GABRG3: variants seen among roughly 807,000 people sequenced by gnomAD.
The protein encoded by GABRG3 is gamma-aminobutyric acid type A receptor subunit gamma3.
A neutral mutation model predicts 48.8 loss-of-function variants in GABRG3; 25 were observed. That is an observed-to-expected ratio of 0.51 (90% confidence interval 0.37 to 0.72). GABRG3 has a LOEUF of 0.72. GABRG3 is among the 30% of genes least tolerant of loss of function. The pLI is 0.00. For synonymous variants in GABRG3, 227 were observed against 217.6 expected, an observed-to-expected ratio of 1.04 and a Z score of -0.38; for missense variants, 394 against 577.9, an observed-to-expected ratio of 0.68 and a Z score of 3.26.
intron 5 of GABRG3, among the ~76,000 whole-genome samples, chr15:27,449,083 C>T (rs1889031630): frequency 6.6e-6 from 1 of 152,190 alleles, no homozygotes; most frequent in Admixed American, 6.5e-5. Flanking sequence ...CATGGTCTGA[C>T]TTCCTTTCTT....
chr15:27,333,499 G>A (rs2140523052), intron 5 of GABRG3, among the ~76,000 whole-genome samples: 1 of 152,292 alleles, frequency 6.6e-6, no homozygotes, highest in East Asian at 1.9e-4. Context: ...TTAGACCACA[G>A]CAGGAGAGCT....
In GABRG3 at chr15:27,430,314, G is replaced by A. The variant is rs548710465; in HGVS notation, c.575-50336G>A. ...CTGGATGCAACTCCCTTATCATATT[G>A]TATGGTAAATAAATAGTTTCTTGTA... is the stretch of plus-strand genomic sequence containing the variant. On this transcript the variant is annotated intron_variant, in intron 5 of 9. Transcript: ENST00000615808. Among the ~76,000 whole-genome samples the A allele has an allele frequency of 1.3e-5, 2 of 152,184 alleles. 1 individual carries two copies. The highest frequency in any genetic ancestry group is 4.2e-4 in the South Asian group (2 of 4,810).
chr15:27,517,273 C>T (rs760078369), intron 6 of GABRG3, among the ~76,000 whole-genome samples: 1 of 152,104 alleles, frequency 6.6e-6, no homozygotes, highest in Non-Finnish European at 1.5e-5. Context: ...CTGCCTCCTC[C>T]GTCATTGCCA....
intron 3 of GABRG3, among the ~76,000 whole-genome samples, chr15:27,027,434 C>T (rs556220353): frequency 7.2e-5 from 11 of 152,204 alleles, no homozygotes; most frequent in Admixed American, 1.3e-4. Flanking sequence ...GAGCTCCCCC[C>T]GCCTGCGGAG....
chr15:27,246,773 G>A lies in GABRG3; in HGVS notation c.271-80036G>A, dbSNP rs144885077. On this transcript the variant is annotated intron_variant, in intron 3 of 9. Coordinates refer to ENST00000615808, the MANE Select transcript of GABRG3 (RefSeq NM_033223.5). ...ATCTGATTATCAAGCAGTAACTTGCGAGGACCTGCCATGGAAGAAAATTTC... is the reference window on the plus strand; with the variant it reads ...ATCTGATTATCAAGCAGTAACTTGCAAGGACCTGCCATGGAAGAAAATTTC... Among the ~76,000 whole-genome samples the A allele has an allele frequency of 2.9e-3, 447 of 152,232 alleles. 1 individual carries two copies. The highest frequency in any genetic ancestry group is 4.8e-3 in the South Asian group (23 of 4,824).
At chr15:27,158,503 T>G (rs1300638149) in intron 3 of GABRG3, 1 of 152,210 alleles carries the variant, frequency 6.6e-6, no homozygotes, top group African/African-American at 2.4e-5. Flanking sequence ...AAATACTGTT[T>G]ACATTTGCTT....
chr15:26,973,753 C>T (rs1433080148), intron 1 of GABRG3, among the ~76,000 whole-genome samples: 1 of 152,204 alleles, frequency 6.6e-6, no homozygotes, highest in Non-Finnish European at 1.5e-5. Context: ...AAAAATACTT[C>T]AGACTTTTTC....
chr15:27,030,530 T>A (rs74372520), intron 3 of GABRG3, among the ~76,000 whole-genome samples: 1 of 152,202 alleles, frequency 6.6e-6, no homozygotes, highest in African/African-American at 2.4e-5. Flanking sequence ...ATCCTCTGCC[T>A]TTGTCGCTGC....
intron 5 of GABRG3, among the ~76,000 whole-genome samples, chr15:27,388,307 A>AGGT (rs1360867555): frequency 1.8e-4 from 4 of 22,432 alleles, no homozygotes; most frequent in Admixed American, 5.9e-4. Context: ...AAGGAAGGAA[A>AGGT]GGGAGGGAGG....
chr15:27,527,774 G>T, intron 8 of GABRG3, 145 bp downstream of exon 8: 1 of 1,032,626 alleles, frequency 9.7e-7, no homozygotes, highest in Non-Finnish European at 1.4e-6. Context: ...AAACCAGACA[G>T]GGATTCTGAA....
intron 3 of GABRG3, among the ~76,000 whole-genome samples, chr15:27,128,578 G>T (rs1001286380): frequency 3.9e-5 from 6 of 152,174 alleles, no homozygotes; most frequent in African/African-American, 1.4e-4. Context: ...ACACGTTGCT[G>T]ATATTTTATA....
intron 3 of GABRG3, among the ~76,000 whole-genome samples, chr15:27,266,066 G>A (rs1890911963): frequency 6.6e-6 from 1 of 151,892 alleles, no homozygotes; most frequent in South Asian, 2.1e-4. Context: ...TTTTAGAAGA[G>A]ATGAGTTTTC....
intron 3 of GABRG3, among the ~76,000 whole-genome samples, chr15:27,151,553 G>A (rs1477475095): frequency 1.3e-5 from 2 of 152,100 alleles, no homozygotes; most frequent in Admixed American, 6.5e-5. Context: ...GACTTTGAAG[G>A]TGTGATTTGG....
chr15:27,091,356 A>G lies in GABRG3; in HGVS notation c.270+64535A>G, dbSNP rs560153772. ...TTGATCATGATGTATAATCCCTTAC[A>G]TGCTACTGGATTCAGTTTGCTAGCA... On this transcript the variant is annotated intron_variant, in intron 3 of 9. Transcript: ENST00000615808. Among the ~76,000 whole-genome samples, 4 of 152,276 alleles carry G rather than the reference A, an allele frequency of 2.6e-5. No homozygotes were observed. The South Asian group carries it at 8.3e-4, about 32-fold the overall frequency.
Position 27,310,159 on chromosome 15 carries a change from GTGGT to G in GABRG3, c.271-16646_271-16643del, listed in dbSNP as rs1892946421. On this transcript the variant is annotated intron_variant, in intron 3 of 9. Transcript: ENST00000615808. ...AAGTAGAAGGATGGAGAAGTGATCA[GTGGT>G]TGGCAGCAGTTATGGGTAGGGAAGG... Among the ~76,000 whole-genome samples, 3 of 152,078 alleles carry G rather than the reference GTGGT, an allele frequency of 2.0e-5. No homozygotes were observed. The South Asian group carries it at 6.2e-4, about 31-fold the overall frequency.
rs1312251218 is a variant in GABRG3, at chr15:27,466,728, G to A, written c.575-13922G>A. 5.9e-5 allele frequency among the ~76,000 whole-genome samples: 9 copies of A among 152,310 alleles called. No individual in the cohort carries two copies. The East Asian group carries it at 1.2e-3, about 20-fold the overall frequency. On this transcript the variant is annotated intron_variant, in intron 5 of 9. Coordinates refer to ENST00000615808, the MANE Select transcript of GABRG3 (RefSeq NM_033223.5). ...ATCCTAGTTGGAAGCACAGAGAGAG[G>A]AGGAAAGTGGCAGAGGGAAGAGGAA...
chr15:27,182,142 A>G (rs1251510460), intron 3 of GABRG3, among the ~76,000 whole-genome samples: 2 of 152,124 alleles, frequency 1.3e-5, no homozygotes, highest in African/African-American at 4.8e-5. Context: ...ATTCCAAGAC[A>G]TCAATTTCAC....
intron 3 of GABRG3, among the ~76,000 whole-genome samples, chr15:27,074,976 G>C (rs903431457): frequency 1.3e-5 from 2 of 152,192 alleles, no homozygotes; most frequent in African/African-American, 4.8e-5. Flanking sequence ...TTAAGTAATA[G>C]TTGTGGTCAG....
At chr15:27,388,531 A>G (rs1026193853) in intron 5 of GABRG3, among the ~76,000 whole-genome samples, 4 of 152,156 alleles carry the variant, frequency 2.6e-5, no homozygotes, top group African/African-American at 9.7e-5. Flanking sequence ...AAAGCCATTC[A>G]GTACCATTGA....
Sources: gnomAD v4.1 joint callset for allele counts (sites outside exome capture counted in the v4.1 genomes callset) on GRCh38, gnomAD v4.1.1 for gene constraint, MANE v1.5 for transcripts, NCBI Gene and HGNC (gene_info 2026-07-23, HGNC 2026-07-21) for gene names.